The following PTN variants were observed in gnomAD, a reference collection of about 807,000 sequenced individuals.
The protein encoded by PTN is heparin affin regulatory protein.
Under a neutral mutation model 24.1 loss-of-function variants are expected in PTN, and 18 were observed. The observed-to-expected ratio is 0.75, with a 90% CI of 0.52 to 1.11. The LOEUF (loss-of-function observed/expected upper bound fraction) is 1.11, where lower values mean the gene tolerates loss of function less well. Ranked by LOEUF, PTN falls within the 50% of genes least tolerant of loss-of-function variation. The pLI is 0.00. For synonymous variants in PTN, 78 were observed against 68.6 expected (o/e 1.14, Z -0.67); for missense variants, 163 against 198.8 (o/e 0.82, Z 1.08).
At chr7:137,332,398 T>A (rs371698176) in intron 1 of PTN, among the ~76,000 whole-genome samples, 2 of 142,912 alleles carry the variant, frequency 1.4e-5, no homozygotes, top group African/African-American at 5.1e-5. Context: ...GAAAAAAAAA[T>A]ATTTCATTAT....
At chr7:137,288,579 T>C (rs1050177678) in intron 1 of PTN, among the ~76,000 whole-genome samples, 2 of 152,234 alleles carry the variant, frequency 1.3e-5, no homozygotes, top group African/African-American at 4.8e-5. Context: ...AAATGTATTT[T>C]TTAAATTTAG....
intron 4 of PTN, among the ~76,000 whole-genome samples, chr7:137,244,443 C>T (rs1225425681): frequency 5.0e-5 from 7 of 139,774 alleles, no homozygotes; most frequent in Admixed American, 1.5e-4. Context: ...AGGTTTGTTA[C>T]GTATGTATAC....
chr7:137,316,940 T>A (rs1362247400), intron 1 of PTN, among the ~76,000 whole-genome samples: 1 of 152,132 alleles, frequency 6.6e-6, no homozygotes, highest in Non-Finnish European at 1.5e-5. Flanking sequence ...CCAGGCCCCT[T>A]AGTGGAACTG....
At position 137,251,368 on chromosome 7, in the gene PTN, C is replaced by T. The variant is rs752219991; in HGVS notation, c.313G>A (p.Ala105Thr). The T allele has an allele frequency of 6.2e-7, 1 of 1,614,084 alleles. No individual in the cohort carries two copies. The highest frequency in any genetic ancestry group is 8.5e-7 in the Non-Finnish European group (1 of 1,180,000). Residue 105 changes from alanine to threonine, a missense_variant, in exon 4 of 5, where the codon GCC becomes ACC. Coordinates refer to ENST00000348225, the MANE Select transcript of PTN (RefSeq NM_002825.7). Reference protein sequence around the residue: ...FGAECKYQFQAWGECDLNTAL... With the variant: ...FGAECKYQFQTWGECDLNTAL... ...GTGTTCAGGTCACATTCTCCCCAGGCCTGGAACTGGTATTTGCACTCCGCT... is the reference window on the plus strand; with the variant it reads ...GTGTTCAGGTCACATTCTCCCCAGGTCTGGAACTGGTATTTGCACTCCGCT...
At chr7:137,330,180 G>T (rs1312351294) in intron 1 of PTN, among the ~76,000 whole-genome samples, 1 of 152,078 alleles carries the variant, frequency 6.6e-6, no homozygotes, top group African/African-American at 2.4e-5. Context: ...CCAGCTGCTT[G>T]GGAGACTGAG....
At chr7:137,270,997 G>A (rs1809263381) in intron 1 of PTN, among the ~76,000 whole-genome samples, 1 of 152,104 alleles carries the variant, frequency 6.6e-6, no homozygotes, top group South Asian at 2.1e-4. Context: ...AGGCCTCCAA[G>A]CTTTTAACAT....
chr7:137,294,038 C>T (rs1282848270), intron 1 of PTN, among the ~76,000 whole-genome samples: 2 of 152,110 alleles, frequency 1.3e-5, no homozygotes, highest in African/African-American at 4.8e-5. Context: ...TGTTCTTACA[C>T]ATGTATTTAC....
intron 1 of PTN, among the ~76,000 whole-genome samples, chr7:137,272,617 C>T (rs1215084358): frequency 1.3e-5 from 2 of 152,082 alleles, no homozygotes; most frequent in East Asian, 3.9e-4. Context: ...CCATCTAGAC[C>T]ATTATATTTA....
chr7:137,258,838 A>G (rs1808981894), intron 1 of PTN, among the ~76,000 whole-genome samples: 1 of 152,174 alleles, frequency 6.6e-6, no homozygotes, highest in Admixed American at 6.6e-5. Flanking sequence ...CAACAGACTG[A>G]GTGCCAAATG....
intron 1 of PTN, among the ~76,000 whole-genome samples, chr7:137,266,849 T>C (rs1809157697): frequency 6.7e-6 from 1 of 150,038 alleles, no homozygotes; most frequent in Non-Finnish European, 1.5e-5. Flanking sequence ...TAAATTAACT[T>C]AGAATTTGTA....
chr7:137,342,553 T>C (rs1810552350), intron 1 of PTN, among the ~76,000 whole-genome samples: 1 of 151,756 alleles, frequency 6.6e-6, no homozygotes, highest in African/African-American at 2.4e-5. Flanking sequence ...GTGTGTTGTG[T>C]CACATTATGT....
At position 137,280,702 on chromosome 7, in the gene PTN, A is replaced by AAAG. The variant is rs1490522327; in HGVS notation, c.-1-25729_-1-25728insCTT. ...AACCCCGTCTCTACTAAAAATACAA[A>AAAG]AAAAAAAAAAAAAAAAAAAAAAAGC... On this transcript the variant is annotated intron_variant, in intron 1 of 4. Coordinates refer to ENST00000348225, the MANE Select transcript of PTN (RefSeq NM_002825.7). Among the ~76,000 whole-genome samples, 43 of 68,972 alleles carry AAAG rather than the reference A, an allele frequency of 6.2e-4. 3 individuals carry two copies. Among genetic ancestry groups the AAAG allele is most frequent in the African/African-American group, 2.5e-3 (41 of 16,534 alleles). The allele number at this position is 68,972 out of a possible 152,430, so 45.2% of individuals were successfully genotyped here. A position where few individuals can be genotyped will look rare whatever the true frequency, so the allele number is the denominator to read the frequency against.
chr7:137,259,211 G>T (rs2128872231), intron 1 of PTN, among the ~76,000 whole-genome samples: 1 of 152,160 alleles, frequency 6.6e-6, no homozygotes, highest in Non-Finnish European at 1.5e-5. Context: ...TGGATAAATA[G>T]CTAATTAGGA....
At chr7:137,229,035 A>C (rs1808384051) in intron 4 of PTN, among the ~76,000 whole-genome samples, 1 of 151,856 alleles carries the variant, frequency 6.6e-6, no homozygotes, top group Admixed American at 6.6e-5. Flanking sequence ...AAGTTACTTA[A>C]TGTATTTGTT....
intron 1 of PTN, among the ~76,000 whole-genome samples, chr7:137,330,654 A>C (rs1045087634): frequency 1.3e-5 from 2 of 152,114 alleles, no homozygotes; most frequent in Non-Finnish European, 2.9e-5. Flanking sequence ...AGATTGTCCA[A>C]CTCCAGGTTC....
intron 3 of PTN, among the ~76,000 whole-genome samples, chr7:137,253,256 C>T (rs1326843681): frequency 6.6e-6 from 1 of 152,168 alleles, no homozygotes; most frequent in Non-Finnish European, 1.5e-5. Context: ...GAGTAGAAGC[C>T]AGCGATGCTC....
At chr7:137,264,685 A>T (rs1809106206) in intron 1 of PTN, among the ~76,000 whole-genome samples, 1 of 152,088 alleles carries the variant, frequency 6.6e-6, no homozygotes, top group Non-Finnish European at 1.5e-5. Flanking sequence ...GGTGTTGCAA[A>T]CTTCGACGGT....
At chr7:137,228,366 T>C (rs1683747242) in intron 4 of PTN, among the ~76,000 whole-genome samples, 1 of 151,778 alleles carries the variant, frequency 6.6e-6, no homozygotes, top group Admixed American at 6.6e-5. Flanking sequence ...ATCTTACTGG[T>C]TGCCTTTGTT....
At chr7:137,255,108 T>A (rs752122964) in intron 1 of PTN, 134 bp from the exon 2 acceptor site, 3 of 541,600 alleles carry the variant, frequency 5.5e-6, no homozygotes, top group Non-Finnish European at 9.2e-6. Flanking sequence ...ATATCAATTA[T>A]CTTGGGTAGA....
Sources: gnomAD v4.1 joint callset for allele counts (sites outside exome capture counted in the v4.1 genomes callset) on GRCh38, gnomAD v4.1.1 for gene constraint, MANE v1.5 for transcripts, NCBI Gene and HGNC (gene_info 2026-07-23, HGNC 2026-07-21) for gene names.